CDC37L1: variants seen among roughly 807,000 people sequenced by gnomAD.
The protein encoded by CDC37L1 is hsp90 co-chaperone Cdc37-like 1.
CDC37L1 carries 32 observed loss-of-function variants against 45.9 expected under a neutral mutation model. That is an observed-to-expected ratio of 0.70 (90% confidence interval 0.53 to 0.94). The LOEUF (loss-of-function observed/expected upper bound fraction) is 0.94. Among genes scored for constraint, CDC37L1 ranks in the 40% least tolerant of loss-of-function variants. The pLI is 0.00. For synonymous variants in CDC37L1, 150 were observed against 133.0 expected, an observed-to-expected ratio of 1.13 and a Z score of -0.88; for missense variants, 434 against 405.7, an observed-to-expected ratio of 1.07 and a Z score of -0.60.
Position 4,706,365 on chromosome 9 carries a change from C to A in CDC37L1, c.*253C>A. On this transcript the variant is annotated 3_prime_UTR_variant, in exon 7 of 7. Transcript: ENST00000381854. ...GGACTTTTTGTGGCTACTAAATTTGCTTTTAATCTTATTGTTCTCAATTTT... is the reference window on the plus strand; with the variant it reads ...GGACTTTTTGTGGCTACTAAATTTGATTTTAATCTTATTGTTCTCAATTTT... The A allele has an allele frequency of 3.5e-6, 1 of 288,576 alleles. No homozygotes were observed. The allele number at this position is 288,576 out of a possible 1,614,324, so 17.9% of individuals were successfully genotyped here. A position where few individuals can be genotyped will look rare whatever the true frequency, so the allele number is the denominator to read the frequency against.
intron 6 of CDC37L1, chr9:4,703,273 G>T: frequency 2.4e-6 from 1 of 413,094 alleles, no homozygotes; most frequent in Non-Finnish European, 3.9e-6. Context: ...CCAATTACAT[G>T]TATGTCCTTT....
At chr9:4,704,240 CTG>C (rs1841423906) in intron 6 of CDC37L1, among the ~76,000 whole-genome samples, 1 of 152,094 alleles carries the variant, frequency 6.6e-6, no homozygotes, top group Non-Finnish European at 1.5e-5. Flanking sequence ...GATGAGTAAA[CTG>C]AAATTCATAG....
chr9:4,694,574 A>T (rs1449365250), intron 3 of CDC37L1, among the ~76,000 whole-genome samples: 2 of 152,198 alleles, frequency 1.3e-5, no homozygotes, highest in African/African-American at 4.8e-5. Flanking sequence ...ATAGGTAGTT[A>T]AAAAATATTA....
chr9:4,694,063 A>C (rs1267364169), intron 3 of CDC37L1, among the ~76,000 whole-genome samples: 4 of 152,188 alleles, frequency 2.6e-5, no homozygotes, highest in African/African-American at 9.6e-5. Context: ...ATGCTGTTCC[A>C]CTGAGTTGTT....
rs1416500801 is a variant in CDC37L1 at position 4,706,159 on chromosome 9, G to A, written c.*47G>A. ...CAAGTGCTATTTTGTTACAAGAAAG[G>A]AAGAACTTGGCTATTTTCTTGACAC... On this transcript the variant is annotated 3_prime_UTR_variant, in exon 7 of 7. Coordinates refer to ENST00000381854, the MANE Select transcript of CDC37L1 (RefSeq NM_017913.4). The A allele has an allele frequency of 1.1e-6, 1 of 928,364 alleles. No homozygotes were observed. Among genetic ancestry groups the A allele is most frequent in the Non-Finnish European group, 1.8e-6 (1 of 562,430 alleles). The allele number at this position is 928,364 out of a possible 1,614,324, so 57.5% of individuals were successfully genotyped here.
chr9:4,699,318 G>C (rs1841377098), intron 5 of CDC37L1, among the ~76,000 whole-genome samples: 1 of 152,024 alleles, frequency 6.6e-6, no homozygotes, highest in African/African-American at 2.4e-5. Context: ...CACAGATTTT[G>C]TGTTTTCAAT....
chr9:4,697,927 G>C (rs759324804), intron 5 of CDC37L1, 48 bp downstream of exon 5: 1 of 1,584,758 alleles, frequency 6.3e-7, no homozygotes, highest in Non-Finnish European at 8.7e-7. Flanking sequence ...GGTCCCAGCT[G>C]AGACCTCTTT....
intron 3 of CDC37L1, among the ~76,000 whole-genome samples, chr9:4,689,309 G>C (rs1340645459): frequency 6.6e-6 from 1 of 151,632 alleles, no homozygotes; most frequent in Non-Finnish European, 1.5e-5. Context: ...AGTGTTAGGA[G>C]TTAAGGTTTA....
intron 6 of CDC37L1, among the ~76,000 whole-genome samples, chr9:4,703,432 A>T (rs1336166045): frequency 6.6e-6 from 1 of 151,188 alleles, no homozygotes; most frequent in Non-Finnish European, 1.5e-5. Context: ...GTTCCCCCTT[A>T]GTTAGACATG....
chr9:4,696,950 G>A (rs557862134), intron 3 of CDC37L1, 146 bp from the exon 4 acceptor site: 46 of 565,206 alleles, frequency 8.1e-5, no homozygotes, highest in Non-Finnish European at 1.4e-4. Context: ...ACCATAATCT[G>A]TTGCTCTGGT....
intron 6 of CDC37L1, among the ~76,000 whole-genome samples, chr9:4,703,904 T>G (rs1841421303): frequency 6.6e-6 from 1 of 152,198 alleles, no homozygotes; most frequent in South Asian, 2.1e-4. Context: ...TTAATTAAGC[T>G]GGGCTAATCT....
In CDC37L1 at chr9:4,706,214, C is replaced by A; in HGVS notation, c.*102C>A. The A allele has an allele frequency of 1.9e-6, 1 of 535,822 alleles. No individual in the cohort carries two copies. Among genetic ancestry groups the A allele is most frequent in the South Asian group, 3.1e-5 (1 of 31,768 alleles). The allele number at this position is 535,822 out of a possible 1,614,324, so 33.2% of individuals were successfully genotyped here. A position where few individuals can be genotyped will look rare whatever the true frequency, so the allele number is the denominator to read the frequency against. On this transcript the variant is annotated 3_prime_UTR_variant, in exon 7 of 7. Transcript: ENST00000381854. ...ATGGGTGCTGCACTTTATTTTTGTT[C>A]GGTTTTTGATGGGAGGGAAAGAGTA...
intron 5 of CDC37L1, 68 bp downstream of exon 5, chr9:4,697,947 A>G (rs1214329103): frequency 6.8e-7 from 1 of 1,475,030 alleles, no homozygotes; most frequent in Non-Finnish European, 9.3e-7. Context: ...TGTTCTGTTC[A>G]TATCAATAGA....
chr9:4,685,078 C>G lies in CDC37L1; in HGVS notation c.334C>G (p.Gln112Glu). Reference sequence around the variant, plus strand: ...GAGGCAACGGGAAGAAGAGTGGCGACAGAAAGAAGAAGCTCTAGTACAAAG... The same window carrying G: ...GAGGCAACGGGAAGAAGAGTGGCGAGAGAAAGAAGAAGCTCTAGTACAAAG... ...ELRQREEEWR[Q>E]KEEALVQREK... Residue 112 changes from glutamine to glutamate, a missense_variant, in exon 2 of 7, where the codon CAG becomes GAG. By Grantham distance (29) the Gln-to-Glu change is conservative. Transcript: ENST00000381854. 2.5e-6 allele frequency: 4 copies of G among 1,613,570 alleles called. No homozygotes were observed. Among genetic ancestry groups the G allele is most frequent in the Non-Finnish European group, 3.4e-6 (4 of 1,179,584 alleles).
intron 2 of CDC37L1, chr9:4,685,384 A>T (rs886867786): frequency 2.3e-6 from 1 of 425,738 alleles, no homozygotes; most frequent in South Asian, 3.2e-5. Flanking sequence ...ATACATATTT[A>T]TATAAATGTA....
intron 1 of CDC37L1, 109 bp from the exon 2 acceptor site, chr9:4,684,768 C>T (rs1489081616): frequency 1.4e-6 from 1 of 735,134 alleles, no homozygotes; most frequent in African/African-American, 1.8e-5. Context: ...ACAGGATATA[C>T]TATATACCAA....
At chr9:4,690,119 T>G (rs1239151942) in intron 3 of CDC37L1, among the ~76,000 whole-genome samples, 1 of 152,214 alleles carries the variant, frequency 6.6e-6, no homozygotes, top group African/African-American at 2.4e-5. Context: ...AACCTGCTTC[T>G]GGGTAGTGAT....
intron 3 of CDC37L1, among the ~76,000 whole-genome samples, chr9:4,694,726 C>CCA (rs1370505298): frequency 1.3e-5 from 2 of 152,000 alleles, no homozygotes; most frequent in African/African-American, 4.8e-5. Flanking sequence ...CAAAAATTAA[C>CCA]TGGGCGTGGT....
rs1184402069 is a variant in CDC37L1 at position 4,685,224 on chromosome 9, C to T, written c.414+66C>T. 9 of 1,220,880 alleles carry T rather than the reference C, an allele frequency of 7.4e-6. No individual in the cohort carries two copies. In the Admixed American group the frequency reaches 1.5e-4, roughly 21 times the overall value. The allele number at this position is 1,220,880 out of a possible 1,614,324, so 75.6% of individuals were successfully genotyped here. On this transcript the variant is annotated intron_variant, in intron 2 of 6. Transcript: ENST00000381854. The stretch of plus-strand genomic sequence containing the variant: ...GAAGTGTTTGTACAAACCAGTTGTG[C>T]GTATTTGGTAGCAAAGCAGCAGAAT...
Sources: allele counts gnomAD v4.1 joint callset (sites outside exome capture counted in the v4.1 genomes callset), GRCh38; gene constraint gnomAD v4.1.1; transcripts MANE v1.5; gene names NCBI Gene and HGNC (gene_info 2026-07-23, HGNC 2026-07-21).